The following HNF4A variants were observed in gnomAD, a reference collection of about 807,000 sequenced individuals.
The protein encoded by HNF4A is hepatocyte nuclear factor 4 alpha, also known as hepatocyte nuclear factor 4-alpha.
HNF4A carries 15 observed loss-of-function variants against 52.4 expected under a neutral mutation model. The ratio of observed to expected loss-of-function variants is 0.29; its 90% CI spans 0.19 to 0.44. The LOEUF (loss-of-function observed/expected upper bound fraction) is 0.44. Among genes scored for constraint, HNF4A ranks in the 20% least tolerant of loss-of-function variants. The pLI, the probability that HNF4A is intolerant of heterozygous loss-of-function variation, is 1.00. For synonymous variants in HNF4A, 280 were observed against 264.4 expected, an observed-to-expected ratio of 1.06 and a Z score of -0.57; for missense variants, 479 against 647.2, an observed-to-expected ratio of 0.74 and a Z score of 2.82.
chr20:44,362,159 C>T (rs776811494), intron 1 of HNF4A, among the ~76,000 whole-genome samples: 8 of 151,902 alleles, frequency 5.3e-5, no homozygotes, highest in Non-Finnish European at 1.0e-4. Context: ...GGATTACACG[C>T]CTGTAATCCC....
intron 1 of HNF4A, among the ~76,000 whole-genome samples, chr20:44,405,094 G>GTGGACTGTGTGGTGCGTGTGTA (rs2063480954): frequency 1.0e-5 from 1 of 99,714 alleles, no homozygotes. Flanking sequence ...GTGCGTGTGT[G>GTGGACTGTGTGGTGCGTGTGTA]TGCTTGTGCG....
chr20:44,420,770 A>G (rs1380554872), intron 7 of HNF4A, among the ~76,000 whole-genome samples: 1 of 152,120 alleles, frequency 6.6e-6, no homozygotes, highest in Admixed American at 6.6e-5. Flanking sequence ...GTGAGATGTG[A>G]TTGCACCACT....
At chr20:44,399,507 G>A (rs1050322527), upstream of HNF4A, among the ~76,000 whole-genome samples, 2 of 152,120 alleles carry the variant, frequency 1.3e-5, no homozygotes, top group African/African-American at 2.4e-5. Flanking sequence ...CAAGTGGACA[G>A]AATAAAGCTA....
rs886485726 is a variant in HNF4A, at chr20:44,407,599, T to C, written c.385+124T>C. ...GGCAGGCCCCAGGGTGACTGGCTAA[T>C]GGCTGAGAAGAGGGAGGGCCTGGAA... On this transcript the variant is annotated intron_variant, in intron 3 of 9. Coordinates refer to ENST00000316099, the MANE Select transcript of HNF4A (RefSeq NM_000457.6). 5 of 749,826 alleles carry C rather than the reference T, an allele frequency of 6.7e-6. No homozygotes were observed. In the African/African-American group the frequency reaches 8.6e-5, roughly 13 times the overall value. 46.4% of individuals were successfully genotyped at this position (749,826 alleles called of 1,614,324 possible). A position where few individuals can be genotyped will look rare whatever the true frequency, so the allele number is the denominator to read the frequency against.
intron 1 of HNF4A, among the ~76,000 whole-genome samples, chr20:44,356,628 G>A (rs2062861756): frequency 1.3e-5 from 2 of 152,192 alleles, no homozygotes; most frequent in Admixed American, 1.3e-4. Context: ...CTGAAGAACT[G>A]TGTAGTTGCT....
Position 44,365,254 on chromosome 20 carries a change from A to G in HNF4A, c.49+9401A>G, listed in dbSNP as rs1345030878. Among the ~76,000 whole-genome samples, 8 of 152,078 alleles carry G rather than the reference A, an allele frequency of 5.3e-5. No homozygotes were observed. The East Asian group carries it at 1.5e-3, about 29-fold the overall frequency. The stretch of plus-strand genomic sequence containing the variant: ...CACAATCATGGTTCACTGCAGCCTC[A>G]ACCTCCCAAGCTCAAGCAATCCTTC... On this transcript the variant is annotated intron_variant, in intron 1 of 9. Coordinates refer to the HNF4A transcript ENST00000316673.
At chr20:44,421,889 A>T (rs1175280283) in intron 7 of HNF4A, among the ~76,000 whole-genome samples, 1 of 147,768 alleles carries the variant, frequency 6.8e-6, no homozygotes, top group Non-Finnish European at 1.5e-5. Context: ...ATATATATAT[A>T]GTGATATATA....
intron 1 of HNF4A, chr20:44,390,697 CAT>C: frequency 1.4e-6 from 1 of 700,778 alleles, no homozygotes; most frequent in South Asian, 1.5e-5. Flanking sequence ...CCTGACTCCA[CAT>C]CTGCCTGGAA....
intron 1 of HNF4A, among the ~76,000 whole-genome samples, chr20:44,356,317 G>A (rs776907120): frequency 2.6e-5 from 4 of 152,180 alleles, no homozygotes; most frequent in Non-Finnish European, 5.9e-5. Flanking sequence ...TGGATAATGG[G>A]GAGGAGGTAG....
chr20:44,378,234 A>T (rs991539239), intron 1 of HNF4A, among the ~76,000 whole-genome samples: 4 of 148,230 alleles, frequency 2.7e-5, no homozygotes, highest in African/African-American at 5.0e-5. Flanking sequence ...ATTTGTAGGC[A>T]TTTTTTAGCA....
At chr20:44,420,224 C>T (rs796125551) in intron 7 of HNF4A, among the ~76,000 whole-genome samples, 2 of 151,804 alleles carry the variant, frequency 1.3e-5, no homozygotes, top group Non-Finnish European at 2.9e-5. Context: ...CCCAGCTATT[C>T]GGGAGGCTGA....
intron 1 of HNF4A, chr20:44,390,027 A>T (rs1432321511): frequency 5.9e-5 from 9 of 152,594 alleles, no homozygotes; most frequent in Admixed American, 5.9e-4. Flanking sequence ...CACAAGAGGG[A>T]TGCCATGTTG....
At chr20:44,381,696 T>C (rs936713963) in intron 1 of HNF4A, among the ~76,000 whole-genome samples, 1 of 152,200 alleles carries the variant, frequency 6.6e-6, no homozygotes, top group Non-Finnish European at 1.5e-5. Flanking sequence ...TTGCAACCTC[T>C]GCCTCCCAGG....
intron 1 of HNF4A, chr20:44,390,535 C>T: frequency 1.5e-6 from 1 of 688,058 alleles, no homozygotes; most frequent in South Asian, 1.5e-5. Flanking sequence ...TTAACTCTGC[C>T]CAGCGGCCCT....
intron 5 of HNF4A, among the ~76,000 whole-genome samples, chr20:44,415,672 G>A (rs1186505099): frequency 6.6e-6 from 1 of 152,182 alleles, no homozygotes; most frequent in African/African-American, 2.4e-5. Flanking sequence ...GAGAAGTCTC[G>A]TCCAGGCAGT....
At position 44,414,602 on chromosome 20, in the gene HNF4A, G is replaced by A; in HGVS notation, c.588G>A (p.Leu196=). The A allele has an allele frequency of 6.2e-7, 1 of 1,614,140 alleles. No individual in the cohort carries two copies. ...GTGAGTCCATGAAGGAGCAGCTGCT[G>A]GTTCTCGTTGAGTGGGCCAAGTACA... Residue 196 remains leucine (L), a synonymous_variant, in exon 5 of 10, where the codon CTG becomes CTA. Coordinates refer to ENST00000316099, the MANE Select transcript of HNF4A (RefSeq NM_000457.6).
At chr20:44,432,881 A>G (rs2063894894), downstream of HNF4A, 2 of 152,252 alleles carry the variant, frequency 1.3e-5, no homozygotes, top group Admixed American at 1.3e-4. Context: ...CAGGTATCAG[A>G]AATAAGACTG....
intron 1 of HNF4A, among the ~76,000 whole-genome samples, chr20:44,392,700 C>T (rs1271099439): frequency 6.6e-6 from 1 of 152,146 alleles, no homozygotes; most frequent in African/African-American, 2.4e-5. Flanking sequence ...AGAGATGAGT[C>T]TCTGCTTTGT....
At chr20:44,428,587 C>G in intron 9 of HNF4A, 100 bp downstream of exon 9, 1 of 1,186,110 alleles carries the variant, frequency 8.4e-7, no homozygotes, top group South Asian at 1.3e-5. Flanking sequence ...CAGGATGCAA[C>G]AGTTTTCTGG....
Sources: gnomAD v4.1 joint callset for allele counts (sites outside exome capture counted in the v4.1 genomes callset) on GRCh38, gnomAD v4.1.1 for gene constraint, MANE v1.5 for transcripts, NCBI Gene and HGNC (gene_info 2026-07-23, HGNC 2026-07-21) for gene names.